Variants in NRXN1 observed in about 807,000 individuals in gnomAD.
NRXN1 encodes neurexin 1.
A neutral mutation model predicts 150.9 loss-of-function variants in NRXN1; 39 were observed. The ratio of observed to expected loss-of-function variants is 0.26; its 90% CI spans 0.20 to 0.34. The LOEUF is 0.34. Ranked by LOEUF, NRXN1 falls within the 10% of genes least tolerant of loss-of-function variation. The pLI, the probability that NRXN1 is intolerant of heterozygous loss-of-function variation, is 1.00. For missense variants in NRXN1, 1,815 were observed against 1,949.9 expected, an observed-to-expected ratio of 0.93 and a Z score of 1.30; for synonymous variants, 924 against 757.0, an observed-to-expected ratio of 1.22 and a Z score of -3.62.
chr2:50,373,681 A>AG (rs57312902), intron 17 of NRXN1, among the ~76,000 whole-genome samples: 13 of 123,572 alleles, frequency 1.1e-4, no homozygotes, highest in African/African-American at 3.3e-4. Flanking sequence ...AAAGAAAGAA[A>AG]AGAAAGAAGG....
chr2:50,282,884 T>C (rs1471094417), intron 17 of NRXN1, among the ~76,000 whole-genome samples: 4 of 152,178 alleles, frequency 2.6e-5, no homozygotes, highest in Non-Finnish European at 1.5e-5. Context: ...TTATCAACTC[T>C]AATCTCACTT....
chr2:50,472,587 T>C (rs558700601), intron 15 of NRXN1, 116 bp from the exon 16 acceptor site: 4 of 734,494 alleles, frequency 5.4e-6, no homozygotes, highest in Admixed American at 3.0e-5. Flanking sequence ...AAAAAATTAA[T>C]TTATGACTAG....
intron 21 of NRXN1, among the ~76,000 whole-genome samples, chr2:49,979,906 G>GTTTTTTT (rs958895922): frequency 4.4e-4 from 29 of 66,018 alleles, no homozygotes; most frequent in African/African-American, 9.9e-4. Context: ...TGTTTTTTTG[G>GTTTTTTT]TTTTTTTTTT....
At chr2:49,995,636 C>T (rs1030234275) in intron 21 of NRXN1, among the ~76,000 whole-genome samples, 2 of 151,466 alleles carry the variant, frequency 1.3e-5, no homozygotes, top group South Asian at 4.2e-4. Flanking sequence ...AAAAAATGAG[C>T]CGGGCGTGGT....
chr2:50,737,425 G>T (rs561214408), intron 5 of NRXN1, among the ~76,000 whole-genome samples: 1 of 152,070 alleles, frequency 6.6e-6, no homozygotes, highest in African/African-American at 2.4e-5. Context: ...TGGGACAGAG[G>T]ATATTATTCT....
At chr2:50,472,561 T>G in intron 15 of NRXN1, 90 bp from the exon 16 acceptor site, 1 of 988,968 alleles carries the variant, frequency 1.0e-6, no homozygotes, top group Non-Finnish European at 1.5e-6. Flanking sequence ...GGAGGTTTAT[T>G]TTTCATTAAG....
chr2:50,598,478 G>T (rs1212473594), intron 8 of NRXN1, among the ~76,000 whole-genome samples: 1 of 150,930 alleles, frequency 6.6e-6, no homozygotes, highest in Non-Finnish European at 1.5e-5. Flanking sequence ...AGACTAAATA[G>T]CATGTGTAAA....
intron 17 of NRXN1, among the ~76,000 whole-genome samples, chr2:50,306,628 A>T (rs925084470): frequency 1.3e-5 from 2 of 152,130 alleles, no homozygotes; most frequent in African/African-American, 2.4e-5. Flanking sequence ...AAACATTTAC[A>T]TTTTTTTATA....
At chr2:50,283,640 T>C (rs1209545553) in intron 17 of NRXN1, among the ~76,000 whole-genome samples, 1 of 152,180 alleles carries the variant, frequency 6.6e-6, no homozygotes, top group African/African-American at 2.4e-5. Flanking sequence ...CTCCTATATA[T>C]CAGTGATTAT....
At chr2:49,964,668 T>C (rs1325188835) in intron 21 of NRXN1, among the ~76,000 whole-genome samples, 1 of 151,738 alleles carries the variant, frequency 6.6e-6, no homozygotes, top group East Asian at 2.0e-4. Flanking sequence ...GGTGAAACCA[T>C]GTCTCTACTA....
rs182858355 is a variant in NRXN1, at chr2:50,404,888, C to T, written c.3364+60554G>A. Among the ~76,000 whole-genome samples the T allele has an allele frequency of 2.0e-5, 3 of 152,110 alleles. No individual in the cohort carries two copies. The East Asian group carries it at 5.8e-4, about 30-fold the overall frequency. On this transcript the variant is annotated intron_variant, in intron 17 of 22. Coordinates refer to ENST00000401669, the MANE Select transcript of NRXN1 (RefSeq NM_001330078.2). Reference sequence around the variant, plus strand: ...GAGTAACAGGGTTTCCAATCTGTTCCTTTCATTGAACAGAGTTCAAAAGAG... The same window carrying T: ...GAGTAACAGGGTTTCCAATCTGTTCTTTTCATTGAACAGAGTTCAAAAGAG...
chr2:50,203,846 G>A (rs1020564433), intron 18 of NRXN1, among the ~76,000 whole-genome samples: 2 of 151,852 alleles, frequency 1.3e-5, no homozygotes, highest in Non-Finnish European at 2.9e-5. Flanking sequence ...CAGCTTTATC[G>A]TATTAAATTA....
rs1031552252 is a variant in NRXN1 at position 50,572,013 on chromosome 2, G to C, written c.1321-18988C>G. On this transcript the variant is annotated intron_variant, in intron 8 of 22. Coordinates refer to ENST00000401669, the MANE Select transcript of NRXN1 (RefSeq NM_001330078.2). ...TATCAGTCAAGGCCTAGGAGTAGAT[G>C]TGGTAATTGCAGAAGGGAGTTATAT... is the stretch of plus-strand genomic sequence containing the variant. Among the ~76,000 whole-genome samples, 1,023 of 152,314 alleles carry C rather than the reference G, an allele frequency of 6.7e-3. 14 individuals carry two copies. Among genetic ancestry groups the C allele is most frequent in the African/African-American group, 0.023 (945 of 41,568 alleles).
At chr2:50,597,180 G>C (rs1044712001) in intron 8 of NRXN1, among the ~76,000 whole-genome samples, 7 of 152,068 alleles carry the variant, frequency 4.6e-5, no homozygotes, top group Non-Finnish European at 8.8e-5. Flanking sequence ...CATATGGAGG[G>C]TCTTGTCTTG....
At chr2:50,107,087 T>A (rs1701751209) in intron 18 of NRXN1, among the ~76,000 whole-genome samples, 1 of 151,976 alleles carries the variant, frequency 6.6e-6, no homozygotes, top group African/African-American at 2.4e-5. Flanking sequence ...AAAGAGAGCT[T>A]GATGACCACC....
chr2:50,489,719 GA>G (rs1236141630), intron 15 of NRXN1, among the ~76,000 whole-genome samples: 1 of 152,186 alleles, frequency 6.6e-6, no homozygotes, highest in Non-Finnish European at 1.5e-5. Context: ...GTTAATGTCA[GA>G]AAAATTCAGA....
chr2:50,792,580 T>A (rs955330098), intron 5 of NRXN1, among the ~76,000 whole-genome samples: 35 of 152,096 alleles, frequency 2.3e-4, no homozygotes, highest in African/African-American at 7.0e-4. Context: ...TAGTTGAATA[T>A]TTAATGGGAG....
At chr2:50,848,099 C>A (rs1205131790) in intron 5 of NRXN1, among the ~76,000 whole-genome samples, 2 of 152,276 alleles carry the variant, frequency 1.3e-5, no homozygotes, top group Admixed American at 1.3e-4. Flanking sequence ...ATGTAACACA[C>A]GCCCACTGGG....
chr2:50,878,101 C>A (rs769854865), intron 5 of NRXN1, among the ~76,000 whole-genome samples: 71 of 151,900 alleles, frequency 4.7e-4, no homozygotes, highest in Non-Finnish European at 8.8e-4. Flanking sequence ...GGAACACATA[C>A]TGCTTTTAAA....
Sources: gnomAD v4.1 joint callset for allele counts (sites outside exome capture counted in the v4.1 genomes callset) on GRCh38, gnomAD v4.1.1 for gene constraint, MANE v1.5 for transcripts, NCBI Gene and HGNC (gene_info 2026-07-23, HGNC 2026-07-21) for gene names.